WDR12: variants seen among roughly 807,000 people sequenced by gnomAD.
The protein encoded by WDR12 is WD repeat domain 12.
In WDR12, 42 loss-of-function variants were observed where a neutral mutation model predicts 64.3. The observed-to-expected ratio is 0.65, with a 90% CI of 0.51 to 0.84. The LOEUF (loss-of-function observed/expected upper bound fraction) is 0.84. WDR12 is among the 40% of genes least tolerant of loss of function. The pLI, the probability that WDR12 is intolerant of heterozygous loss-of-function variation, is 0.00. For synonymous variants in WDR12, 158 were observed against 173.3 expected (o/e 0.91, Z 0.70); for missense variants, 469 against 494.6 (o/e 0.95, Z 0.49).
intron 7 of WDR12, 63 bp from the exon 8 acceptor site, chr2:202,892,765 G>C: frequency 8.4e-7 from 1 of 1,196,856 alleles, no homozygotes; most frequent in South Asian, 1.4e-5. Flanking sequence ...CTGTCTGAAA[G>C]AATTCTTTAC....
At position 202,880,282 on chromosome 2, in the gene WDR12, C is replaced by T. The variant is rs1282593824; in HGVS notation, c.*578G>A. 1 of 152,010 alleles carries T rather than the reference C, an allele frequency of 6.6e-6. No homozygotes were observed. The highest frequency in any genetic ancestry group is 1.5e-5 in the Non-Finnish European group (1 of 67,998). 9.4% of individuals were successfully genotyped at this position (152,010 alleles called of 1,614,324 possible). On this transcript the variant is annotated 3_prime_UTR_variant, in exon 13 of 13. Coordinates refer to ENST00000261015, the MANE Select transcript of WDR12 (RefSeq NM_018256.4). Reference sequence around the variant, plus strand: ...AGCATTTCAAAAACAAATCTTAATTCGGCCAGGCACAGTGGCTCACTTTGG... The same window carrying T: ...AGCATTTCAAAAACAAATCTTAATTTGGCCAGGCACAGTGGCTCACTTTGG...
chr2:202,886,736 C>T (rs1334443704), intron 8 of WDR12, among the ~76,000 whole-genome samples: 3 of 131,516 alleles, frequency 2.3e-5, no homozygotes, highest in East Asian at 2.3e-4. Flanking sequence ...CACTGCACTC[C>T]AGCCTGGGCA....
At chr2:202,894,966 G>A (rs909128394) in intron 6 of WDR12, among the ~76,000 whole-genome samples, 1 of 152,000 alleles carries the variant, frequency 6.6e-6, no homozygotes, top group Non-Finnish European at 1.5e-5. Flanking sequence ...CTTGTGATGT[G>A]GTTGTTCAAT....
chr2:202,881,019 A>G, intron 12 of WDR12, 82 bp from the exon 13 acceptor site: 2 of 1,213,796 alleles, frequency 1.6e-6, no homozygotes, highest in South Asian at 1.6e-5. Context: ...ATTAAATACT[A>G]ATGATTTTCA....
chr2:202,893,263 G>GTT (rs1256943712), intron 7 of WDR12, among the ~76,000 whole-genome samples: 2 of 151,828 alleles, frequency 1.3e-5, no homozygotes, highest in Non-Finnish European at 2.9e-5. Context: ...TACATTATAT[G>GTT]TTATATATAG....
At chr2:202,897,908 A>ATATATATATATAT (rs1553541972) in intron 4 of WDR12, among the ~76,000 whole-genome samples, 11 of 40,042 alleles carry the variant, frequency 2.7e-4, no homozygotes, top group South Asian at 1.6e-3. Flanking sequence ...AAAAAAAAAA[A>ATATATATATATAT]ATATATATAT....
chr2:202,880,748 CATT>C lies in WDR12; in HGVS notation c.*109_*111del. On this transcript the variant is annotated 3_prime_UTR_variant, in exon 13 of 13. Transcript: ENST00000261015. ...CGTTAGCTGTTATGAAGGGTGAAAA[CATT>C]ATATAAACTTCAAAAGGCTGCTTTC... The C allele has an allele frequency of 1.3e-6, 1 of 798,278 alleles. No homozygotes were observed. The highest frequency in any genetic ancestry group is 1.9e-6 in the Non-Finnish European group (1 of 525,932). 49.4% of individuals were successfully genotyped at this position (798,278 alleles called of 1,614,324 possible). A position where few individuals can be genotyped will look rare whatever the true frequency, so the allele number is the denominator to read the frequency against.
At chr2:202,908,634 G>A (rs1340369728) in intron 1 of WDR12, among the ~76,000 whole-genome samples, 1 of 152,218 alleles carries the variant, frequency 6.6e-6, no homozygotes, top group Middle Eastern at 3.2e-3. Flanking sequence ...CACATGGAGT[G>A]CTTTATATAT....
rs1317389887 is a variant in WDR12 at position 202,876,925 on chromosome 2, T to G, written c.*3935A>C. 1 of 152,508 alleles carries G rather than the reference T, an allele frequency of 6.6e-6. No individual in the cohort carries two copies. Among genetic ancestry groups the G allele is most frequent in the Admixed American group, 6.6e-5 (1 of 15,264 alleles). 9.4% of individuals were successfully genotyped at this position (152,508 alleles called of 1,614,324 possible). On this transcript the variant is annotated 3_prime_UTR_variant, in exon 13 of 13. Coordinates refer to ENST00000261015, the MANE Select transcript of WDR12 (RefSeq NM_018256.4). ...TAGCTTGGGCAACATAGTGAGACCC[T>G]GTCTCTAAAAAATGAACAAAAATAA...
intron 3 of WDR12, among the ~76,000 whole-genome samples, chr2:202,900,547 T>C (rs1273346124): frequency 1.3e-5 from 2 of 152,106 alleles, no homozygotes; most frequent in African/African-American, 2.4e-5. Context: ...CCACAATTTT[T>C]AAAATCACAA....
At chr2:202,898,307 T>C (rs1688289184) in intron 4 of WDR12, among the ~76,000 whole-genome samples, 2 of 152,222 alleles carry the variant, frequency 1.3e-5, no homozygotes, top group East Asian at 3.9e-4. Flanking sequence ...CAGACCGCCA[T>C]ACCTGGCTAA....
In WDR12 at chr2:202,907,406, A is replaced by G. The variant is rs1052750997; in HGVS notation, c.136+459T>C. The stretch of plus-strand genomic sequence containing the variant: ...TATATCCTTTTTTTATGAATTCTGG[A>G]CACAAAAAATAAAATACTGGTATTC... On this transcript the variant is annotated intron_variant, in intron 2 of 12. Coordinates refer to ENST00000261015, the MANE Select transcript of WDR12 (RefSeq NM_018256.4). Among the ~76,000 whole-genome samples, 9 of 152,150 alleles carry G rather than the reference A, an allele frequency of 5.9e-5. No homozygotes were observed. In the South Asian group the frequency reaches 1.5e-3, roughly 25 times the overall value.
intron 6 of WDR12, among the ~76,000 whole-genome samples, chr2:202,894,928 C>G (rs1688212813): frequency 6.6e-6 from 1 of 152,148 alleles, no homozygotes; most frequent in Non-Finnish European, 1.5e-5. Flanking sequence ...TCCACTGGTT[C>G]CTGAGGCCCA....
intron 1 of WDR12, among the ~76,000 whole-genome samples, chr2:202,909,329 C>G (rs947924060): frequency 6.6e-6 from 1 of 152,174 alleles, no homozygotes; most frequent in Non-Finnish European, 1.5e-5. Flanking sequence ...TACCTCCATT[C>G]AATGGCCTAT....
At chr2:202,891,671 GAC>G (rs1212414753) in intron 8 of WDR12, among the ~76,000 whole-genome samples, 2 of 152,220 alleles carry the variant, frequency 1.3e-5, no homozygotes, top group East Asian at 3.9e-4. Flanking sequence ...TTTTATTGGT[GAC>G]TATAAGAATT....
chr2:202,884,389 TCTTA>T lies in WDR12; in HGVS notation c.882+2_882+5del, dbSNP rs1377407987. Reference sequence around the variant, plus strand: ...ATCACTTAAAAGAACACTGAATTTGTCTTACCAAAGTTGACTTAAGACTGCCAGA... The same window carrying T: ...ATCACTTAAAAGAACACTGAATTTGTCCAAAGTTGACTTAAGACTGCCAGA... On this transcript the variant is annotated splice_donor_variant and splice_donor_5th_base_variant and intron_variant, in intron 9 of 12. Transcript: ENST00000261015. LOFTEE classifies it high-confidence loss of function. 6.2e-7 allele frequency: 1 copy of T among 1,613,922 alleles called. No individual in the cohort carries two copies. The highest frequency in any genetic ancestry group is 8.5e-7 in the Non-Finnish European group (1 of 1,180,000).
In WDR12 at chr2:202,880,561, AC is replaced by A. The variant is rs1405085021; in HGVS notation, c.*298del. ...AGACTCCATCTCAAAAAAAAAAAAA[AC>A]AAATAAAAATAAAAAAGCAAATCTG... On this transcript the variant is annotated 3_prime_UTR_variant, in exon 13 of 13. Transcript: ENST00000261015. 4 of 171,530 alleles carry A rather than the reference AC, an allele frequency of 2.3e-5. No homozygotes were observed. Among genetic ancestry groups the A allele is most frequent in the Non-Finnish European group, 4.9e-5 (4 of 80,954 alleles). The allele number at this position is 171,530 out of a possible 1,614,324, so 10.6% of individuals were successfully genotyped here.
rs1687819324 is a variant in WDR12 at position 202,874,280 on chromosome 2, G to T, written c.*6580C>A. On this transcript the variant is annotated 3_prime_UTR_variant, in exon 13 of 13. Transcript: ENST00000261015. ...AAGTACTTTTAAATTTCATTTAGAA[G>T]TACATTTACTGAACTGTTATTTAAC... is the stretch of plus-strand genomic sequence containing the variant. Among the ~76,000 whole-genome samples the T allele has an allele frequency of 6.6e-6, 1 of 152,096 alleles. No individual in the cohort carries two copies. The highest frequency in any genetic ancestry group is 2.1e-4 in the South Asian group (1 of 4,832).
intron 8 of WDR12, among the ~76,000 whole-genome samples, chr2:202,885,546 T>C (rs1688029913): frequency 6.6e-6 from 1 of 152,148 alleles, no homozygotes; most frequent in Non-Finnish European, 1.5e-5. Context: ...ACACAAAATA[T>C]GCCGCCAATT....
Sources: gnomAD v4.1 joint callset for allele counts (sites outside exome capture counted in the v4.1 genomes callset) on GRCh38, gnomAD v4.1.1 for gene constraint, MANE v1.5 for transcripts, NCBI Gene and HGNC (gene_info 2026-07-23, HGNC 2026-07-21) for gene names.